Variants in TENM2 observed in about 807,000 individuals in gnomAD.
TENM2 encodes the protein teneurin transmembrane protein 2, also known as teneurin-2.
In TENM2, 52 loss-of-function variants were observed where a neutral mutation model predicts 245.2. The ratio of observed to expected loss-of-function variants is 0.21; its 90% CI spans 0.17 to 0.27. The LOEUF (loss-of-function observed/expected upper bound fraction) is 0.27. TENM2 is among the 10% of genes least tolerant of loss of function. The probability of loss-of-function intolerance (pLI) is 1.00; values close to 1 mark genes in which losing one functional copy is unlikely to be tolerated. For missense variants in TENM2, 3,046 were observed against 3,666.8 expected (o/e 0.83, Z 4.37); for synonymous variants, 1,363 against 1,438.9 (o/e 0.95, Z 1.19).
At chr5:167,009,976 AT>A in the TENM2 span, among the ~76,000 whole-genome samples, 1 of 152,160 alleles carries the variant, frequency 6.6e-6, no homozygotes, top group Non-Finnish European at 1.5e-5. Flanking sequence ...ATATAATTGA[AT>A]TTTTTATTGG....
chr5:168,172,280 G>C (rs901897104), intron 13 of TENM2, among the ~76,000 whole-genome samples: 2 of 152,244 alleles, frequency 1.3e-5, no homozygotes, highest in African/African-American at 4.8e-5. Context: ...GAACACATCT[G>C]TCTGAGGGAC....
intron 2 of TENM2, among the ~76,000 whole-genome samples, chr5:167,680,740 TA>T (rs1471557463): frequency 3.9e-5 from 6 of 152,192 alleles, no homozygotes; most frequent in Admixed American, 1.3e-4. Flanking sequence ...GACTTTGAGA[TA>T]AAAACATCTA....
chr5:167,556,113 G>C (rs9313383), intron 2 of TENM2, among the ~76,000 whole-genome samples: 4,860 of 152,062 alleles, frequency 0.032, 240 homozygotes, highest in South Asian at 0.1. Flanking sequence ...TTTTGCCTCT[G>C]TCATCTGTTT....
chr5:167,261,337 A>G, the TENM2 span, among the ~76,000 whole-genome samples: 1 of 152,034 alleles, frequency 6.6e-6, no homozygotes, highest in East Asian at 1.9e-4. Context: ...ACCTCTTACA[A>G]TCTCATTTTA....
intron 2 of TENM2, among the ~76,000 whole-genome samples, chr5:167,757,646 A>C (rs1762396295): frequency 6.6e-6 from 1 of 152,154 alleles, no homozygotes; most frequent in Non-Finnish European, 1.5e-5. Flanking sequence ...TTCTGGTTCT[A>C]GATCCTTGAG....
chr5:167,251,404 T>G, the TENM2 span, among the ~76,000 whole-genome samples: 1 of 152,276 alleles, frequency 6.6e-6, no homozygotes, highest in East Asian at 1.9e-4. Context: ...ACAATGAAGA[T>G]ACAAGCTAAT....
intron 5 of TENM2, among the ~76,000 whole-genome samples, chr5:168,003,304 AAAACACACAC>A (rs773874488): frequency 1.9e-5 from 1 of 53,618 alleles, no homozygotes; most frequent in Non-Finnish European, 3.0e-5. Flanking sequence ...TTTTTAAGAA[AAAACACACAC>A]ACACACACAC....
intron 2 of TENM2, among the ~76,000 whole-genome samples, chr5:167,726,364 A>G (rs746661326): frequency 4.6e-5 from 7 of 152,130 alleles, no homozygotes; most frequent in African/African-American, 7.2e-5. Context: ...AAGTATTATT[A>G]TTACATTGTT....
chr5:167,249,772 G>A, the TENM2 span, among the ~76,000 whole-genome samples: 7 of 152,084 alleles, frequency 4.6e-5, no homozygotes, highest in African/African-American at 1.7e-4. Flanking sequence ...AATGATGTTT[G>A]GACTCACTAT....
At chr5:167,867,974 A>T (rs74550468) in intron 2 of TENM2, among the ~76,000 whole-genome samples, 2,386 of 152,300 alleles carry the variant, frequency 0.016, 74 homozygotes, top group African/African-American at 0.054. Flanking sequence ...AAGAAGGCTG[A>T]CTGAATCAAA....
the TENM2 span, among the ~76,000 whole-genome samples, chr5:166,979,215 G>GCAGCACCACCAC: frequency 4.9e-5 from 7 of 144,112 alleles, no homozygotes; most frequent in Non-Finnish European, 7.8e-5. Flanking sequence ...AGCAGCAGCA[G>GCAGCACCACCAC]CAGCAGCAGC....
chr5:167,515,668 T>TATATATATATAC (rs1562019088), intron 2 of TENM2, among the ~76,000 whole-genome samples: 2 of 35,632 alleles, frequency 5.6e-5, no homozygotes, highest in African/African-American at 1.3e-4. Flanking sequence ...TACGTATATA[T>TATATATATATAC]GTGTATATAT....
At chr5:167,264,162 T>C in the TENM2 span, among the ~76,000 whole-genome samples, 4 of 151,962 alleles carry the variant, frequency 2.6e-5, no homozygotes, top group African/African-American at 7.2e-5. Context: ...GAAATTCTCA[T>C]GTTCTCGCAG....
chr5:167,817,967 T>C (rs1166478487), intron 2 of TENM2, among the ~76,000 whole-genome samples: 1 of 152,154 alleles, frequency 6.6e-6, no homozygotes, highest in East Asian at 1.9e-4. Flanking sequence ...TCCCTGTAAC[T>C]TGGGAGACGG....
At chr5:167,189,611 C>G in the TENM2 span, among the ~76,000 whole-genome samples, 3 of 151,646 alleles carry the variant, frequency 2.0e-5, no homozygotes, top group Non-Finnish European at 2.9e-5. Context: ...CCCTGTCACC[C>G]AGGCTGGAGT....
intron 8 of TENM2, among the ~76,000 whole-genome samples, chr5:168,096,891 A>G (rs1793416448): frequency 6.6e-6 from 1 of 152,224 alleles, no homozygotes; most frequent in South Asian, 2.1e-4. Flanking sequence ...AAAGAATATG[A>G]CTATTTCTGT....
At chr5:167,591,560 A>G (rs1349729967) in intron 2 of TENM2, among the ~76,000 whole-genome samples, 2 of 152,208 alleles carry the variant, frequency 1.3e-5, no homozygotes, top group Non-Finnish European at 2.9e-5. Flanking sequence ...CATGTCACTC[A>G]TTGGCCATTT....
At chr5:167,332,607 C>A (rs978698009) in intron 1 of TENM2, among the ~76,000 whole-genome samples, 1 of 152,156 alleles carries the variant, frequency 6.6e-6, no homozygotes, top group Non-Finnish European at 1.5e-5. Flanking sequence ...GAGTAGCATG[C>A]GTTTATTCCT....
At chr5:167,310,707 A>T (rs1170708600) in intron 1 of TENM2, among the ~76,000 whole-genome samples, 1 of 152,222 alleles carries the variant, frequency 6.6e-6, no homozygotes, top group Non-Finnish European at 1.5e-5. Context: ...AAAATAAGAA[A>T]GAATTAATTT....
Sources: allele counts gnomAD v4.1 joint callset (sites outside exome capture counted in the v4.1 genomes callset), GRCh38; gene constraint gnomAD v4.1.1; transcripts MANE v1.5; gene names NCBI Gene and HGNC (gene_info 2026-07-23, HGNC 2026-07-21).